The following CADM2 variants were observed in gnomAD, a reference collection of about 807,000 sequenced individuals.
CADM2 encodes immunoglobulin superfamily member 4D.
In CADM2, 12 loss-of-function variants were observed where a neutral mutation model predicts 49.8. The ratio of observed to expected loss-of-function variants is 0.24; its 90% CI spans 0.15 to 0.39. The LOEUF (loss-of-function observed/expected upper bound fraction) is 0.39, where lower values mean the gene tolerates loss of function less well. Ranked by LOEUF, CADM2 falls within the 10% of genes least tolerant of loss-of-function variation. CADM2 has a pLI of 1.00. For missense variants in CADM2, 378 were observed against 492.3 expected, an observed-to-expected ratio of 0.77 and a Z score of 2.20; for synonymous variants, 214 against 175.4, an observed-to-expected ratio of 1.22 and a Z score of -1.74.
intron 1 of CADM2, among the ~76,000 whole-genome samples, chr3:85,572,258 G>A (rs2062501498): frequency 6.6e-6 from 1 of 152,100 alleles, no homozygotes. Flanking sequence ...CTGCTTTCCA[G>A]TCTGGGCGAC....
At chr3:85,258,155 A>T (rs2042932480) in intron 1 of CADM2, among the ~76,000 whole-genome samples, 1 of 152,068 alleles carries the variant, frequency 6.6e-6, no homozygotes, top group African/African-American at 2.4e-5. Flanking sequence ...AGTGGCCAAG[A>T]TTATATGCAG....
chr3:85,597,803 A>C (rs2063287199), intron 1 of CADM2, among the ~76,000 whole-genome samples: 1 of 152,102 alleles, frequency 6.6e-6, no homozygotes, highest in South Asian at 2.1e-4. Flanking sequence ...TCTTTGATGA[A>C]AATGGTACAA....
intron 1 of CADM2, among the ~76,000 whole-genome samples, chr3:85,530,771 A>T (rs1423043752): frequency 6.6e-6 from 1 of 152,024 alleles, no homozygotes; most frequent in Non-Finnish European, 1.5e-5. Context: ...CACCTAATAC[A>T]TTCTTATTGG....
intron 1 of CADM2, among the ~76,000 whole-genome samples, chr3:84,976,479 C>T (rs2031826116): frequency 6.6e-6 from 1 of 151,278 alleles, no homozygotes; most frequent in Non-Finnish European, 1.5e-5. Context: ...ATTTTTCCTT[C>T]AAAAATATAG....
chr3:85,964,446 A>G (rs1375581432), intron 8 of CADM2, among the ~76,000 whole-genome samples: 1 of 151,592 alleles, frequency 6.6e-6, no homozygotes. Context: ...GTTAGATTTT[A>G]TTGTTTGGGT....
intron 3 of CADM2, among the ~76,000 whole-genome samples, chr3:85,836,279 G>A (rs1301755939): frequency 6.6e-6 from 1 of 151,540 alleles, no homozygotes; most frequent in African/African-American, 2.4e-5. Context: ...AGCCCAGAGG[G>A]CATGGTTGTA....
chr3:85,317,856 T>A (rs2044505112), intron 1 of CADM2, among the ~76,000 whole-genome samples: 1 of 152,176 alleles, frequency 6.6e-6, no homozygotes, highest in South Asian at 2.1e-4. Flanking sequence ...GCATGAATAT[T>A]TGATAACAGA....
Position 85,267,501 on chromosome 3 carries a change from T to C in CADM2, c.61+307833T>C, listed in dbSNP as rs528013532. ...ACCCACCATATTTAAGATTGCCATA[T>C]TTATTTAGTTTTGGTCTTCTTATCT... On this transcript the variant is annotated intron_variant, in intron 1 of 9. Coordinates refer to ENST00000383699, the MANE Select transcript of CADM2 (RefSeq NM_001167675.2). 7.2e-5 allele frequency among the ~76,000 whole-genome samples: 11 copies of C among 151,898 alleles called. 1 individual carries two copies. The East Asian group carries it at 2.1e-3, about 29-fold the overall frequency.
At chr3:85,428,998 C>T (rs569930971) in intron 1 of CADM2, among the ~76,000 whole-genome samples, 1 of 151,904 alleles carries the variant, frequency 6.6e-6, no homozygotes, top group South Asian at 2.1e-4. Context: ...AAAAATATTC[C>T]TTTGGCTCAA....
intron 1 of CADM2, among the ~76,000 whole-genome samples, chr3:85,641,310 T>A (rs943949348): frequency 4.6e-5 from 7 of 152,188 alleles, no homozygotes; most frequent in South Asian, 2.1e-4. Flanking sequence ...ACAACTTTTT[T>A]AAATGTTCTA....
chr3:85,702,008 A>G (rs1208146699), intron 1 of CADM2, among the ~76,000 whole-genome samples: 2 of 144,286 alleles, frequency 1.4e-5, no homozygotes, highest in South Asian at 2.2e-4. Flanking sequence ...AGATAGATAG[A>G]TAGATAGATA....
At chr3:86,003,996 T>TCC (rs1258396425) in intron 8 of CADM2, among the ~76,000 whole-genome samples, 1 of 152,124 alleles carries the variant, frequency 6.6e-6, no homozygotes, top group Non-Finnish European at 1.5e-5. Flanking sequence ...AGCCAATGGC[T>TCC]CCAAATAAAG....
chr3:85,067,688 A>G (rs1480711094), intron 1 of CADM2, among the ~76,000 whole-genome samples: 1 of 152,042 alleles, frequency 6.6e-6, no homozygotes, highest in Non-Finnish European at 1.5e-5. Context: ...TTTATTTACT[A>G]TCTTCTTTGG....
In CADM2 at chr3:85,512,621, C is replaced by A. The variant is rs906401408; in HGVS notation, c.62-213901C>A. Among the ~76,000 whole-genome samples, 3 of 151,936 alleles carry A rather than the reference C, an allele frequency of 2.0e-5. No individual in the cohort carries two copies. In the East Asian group the frequency reaches 5.8e-4, roughly 29 times the overall value. On this transcript the variant is annotated intron_variant, in intron 1 of 9. Coordinates refer to ENST00000383699, the MANE Select transcript of CADM2 (RefSeq NM_001167675.2). ...AGAATAAATTTTAAATGCAAAACTA[C>A]TTTGTTAGCAATGTGCAAATTTATA...
intron 1 of CADM2, among the ~76,000 whole-genome samples, chr3:85,059,771 G>C (rs1043378429): frequency 6.6e-6 from 1 of 152,134 alleles, no homozygotes; most frequent in Non-Finnish European, 1.5e-5. Flanking sequence ...TGCCACAATT[G>C]TGAGGTCTCC....
intron 1 of CADM2, among the ~76,000 whole-genome samples, chr3:85,011,217 T>C (rs908270103): frequency 1.3e-5 from 2 of 152,134 alleles, no homozygotes; most frequent in African/African-American, 2.4e-5. Context: ...TGACTTATAG[T>C]ATAGTTTTCA....
At chr3:85,744,930 G>A (rs1203325090) in intron 2 of CADM2, among the ~76,000 whole-genome samples, 2 of 152,206 alleles carry the variant, frequency 1.3e-5, no homozygotes, top group African/African-American at 4.8e-5. Context: ...AATTTAAATG[G>A]AAATTATGGT....
At chr3:85,510,497 A>T (rs533336916) in intron 1 of CADM2, among the ~76,000 whole-genome samples, 2 of 152,050 alleles carry the variant, frequency 1.3e-5, no homozygotes, top group African/African-American at 2.4e-5. Context: ...CTAATGTCCT[A>T]TTGATGTGAC....
intron 1 of CADM2, among the ~76,000 whole-genome samples, chr3:85,554,170 G>C (rs1304138027): frequency 1.3e-5 from 2 of 152,124 alleles, no homozygotes; most frequent in East Asian, 1.9e-4. Flanking sequence ...GGATGAAACT[G>C]TTCCACCCCA....
Sources: gnomAD v4.1 joint callset for allele counts (sites outside exome capture counted in the v4.1 genomes callset) on GRCh38, gnomAD v4.1.1 for gene constraint, MANE v1.5 for transcripts, NCBI Gene and HGNC (gene_info 2026-07-23, HGNC 2026-07-21) for gene names.